Variants in NALF1 observed in about 807,000 individuals in gnomAD.
NALF1 encodes NALCN channel auxiliary factor 1.
In NALF1, 3 loss-of-function variants were observed where a neutral mutation model predicts 48.4. The observed-to-expected ratio is 0.06, with a 90% CI of 0.03 to 0.16. The LOEUF (loss-of-function observed/expected upper bound fraction) is 0.16, where lower values mean the gene tolerates loss of function less well. Ranked by LOEUF, NALF1 falls within the 10% of genes least tolerant of loss-of-function variation. NALF1 has a pLI of 1.00. For missense variants in NALF1, 526 were observed against 571.5 expected, an observed-to-expected ratio of 0.92 and a Z score of 0.81; for synonymous variants, 262 against 245.7, an observed-to-expected ratio of 1.07 and a Z score of -0.62.
chr13:107,753,168 T>C (rs577938092), intron 1 of NALF1, among the ~76,000 whole-genome samples: 1 of 152,358 alleles, frequency 6.6e-6, no homozygotes, highest in Non-Finnish European at 1.5e-5. Flanking sequence ...ATCTGCCCTT[T>C]GCTTTAGATA....
chr13:107,577,195 C>G (rs1878180268), intron 1 of NALF1, among the ~76,000 whole-genome samples: 1 of 152,098 alleles, frequency 6.6e-6, no homozygotes, highest in African/African-American at 2.4e-5. Context: ...CTAACTTGGA[C>G]TTTAAAATTT....
At chr13:107,712,405 A>G (rs2138520360) in intron 1 of NALF1, among the ~76,000 whole-genome samples, 1 of 152,348 alleles carries the variant, frequency 6.6e-6, no homozygotes, top group African/African-American at 2.4e-5. Flanking sequence ...GGCAACCCCC[A>G]GCCTGAAAAA....
At chr13:107,217,039 C>T (rs2138811239) in intron 1 of NALF1, among the ~76,000 whole-genome samples, 1 of 152,330 alleles carries the variant, frequency 6.6e-6, no homozygotes, top group South Asian at 2.1e-4. Flanking sequence ...CTAACTATGA[C>T]ACAGAGGCAA....
chr13:107,264,970 G>C (rs1479154264), intron 1 of NALF1, among the ~76,000 whole-genome samples: 1 of 152,128 alleles, frequency 6.6e-6, no homozygotes, highest in Non-Finnish European at 1.5e-5. Flanking sequence ...GAAAGTTTTT[G>C]TATCACTGTA....
chr13:107,308,619 TGTC>T (rs1881987305), intron 1 of NALF1, among the ~76,000 whole-genome samples: 1 of 152,194 alleles, frequency 6.6e-6, no homozygotes, highest in African/African-American at 2.4e-5. Context: ...ACAAATAGAC[TGTC>T]TATGTTTCTA....
At chr13:107,265,290 T>G (rs1489754449) in intron 1 of NALF1, among the ~76,000 whole-genome samples, 1 of 152,252 alleles carries the variant, frequency 6.6e-6, no homozygotes, top group East Asian at 1.9e-4. Flanking sequence ...TCTAGCCATA[T>G]TACAGAATTT....
intron 1 of NALF1, among the ~76,000 whole-genome samples, chr13:107,643,542 TG>T (rs34793504): frequency 0.015 from 1,942 of 128,038 alleles, 21 homozygotes; most frequent in Middle Eastern, 0.02. Flanking sequence ...GTGTATTTGG[TG>T]GGGGGGGGGT....
chr13:107,438,271 T>C (rs1052042263), intron 1 of NALF1, among the ~76,000 whole-genome samples: 1 of 152,204 alleles, frequency 6.6e-6, no homozygotes, highest in Non-Finnish European at 1.5e-5. Flanking sequence ...GTTCTAGATA[T>C]CCTAGTTTGA....
At position 107,289,318 on chromosome 13, in the gene NALF1, T is replaced by C. The variant is rs563228613; in HGVS notation, c.916-78563A>G. 1.8e-3 allele frequency among the ~76,000 whole-genome samples: 278 copies of C among 152,322 alleles called. 2 individuals are homozygous for C. The highest frequency in any genetic ancestry group is 6.4e-3 in the African/African-American group (268 of 41,568). On this transcript the variant is annotated intron_variant, in intron 1 of 2. Transcript: ENST00000375915. ...TTGTCTATTTACCCACTAAAATATATGCTCTCTGAAGCATCAAAGTTTGTC... is the reference window on the plus strand; with the variant it reads ...TTGTCTATTTACCCACTAAAATATACGCTCTCTGAAGCATCAAAGTTTGTC...
intron 1 of NALF1, among the ~76,000 whole-genome samples, chr13:107,772,158 G>A (rs1053071738): frequency 6.6e-6 from 1 of 152,006 alleles, no homozygotes; most frequent in African/African-American, 2.4e-5. Context: ...CGTATCTAGG[G>A]TGGACCCGTC....
intron 1 of NALF1, among the ~76,000 whole-genome samples, chr13:107,849,928 T>C (rs1455184900): frequency 3.9e-5 from 6 of 152,226 alleles, no homozygotes; most frequent in East Asian, 1.9e-4. Flanking sequence ...AAATTATTCA[T>C]GTGTTGCTAG....
chr13:107,838,956 C>A (rs1386136069), intron 1 of NALF1, among the ~76,000 whole-genome samples: 2 of 152,198 alleles, frequency 1.3e-5, no homozygotes, highest in East Asian at 1.9e-4. Flanking sequence ...TAAGAGAGAG[C>A]ACAGCAGGTG....
At chr13:107,677,433 T>A (rs1256221982) in intron 1 of NALF1, among the ~76,000 whole-genome samples, 1 of 152,178 alleles carries the variant, frequency 6.6e-6, no homozygotes, top group East Asian at 1.9e-4. Context: ...GTTAGACAGT[T>A]TTGTAACTCT....
chr13:107,444,232 C>A (rs1304406220), intron 1 of NALF1, among the ~76,000 whole-genome samples: 1 of 152,064 alleles, frequency 6.6e-6, no homozygotes, highest in Non-Finnish European at 1.5e-5. Flanking sequence ...TTATGCAATG[C>A]AAACATAAAT....
chr13:107,358,065 T>C (rs1027101221), intron 1 of NALF1, among the ~76,000 whole-genome samples: 1 of 152,204 alleles, frequency 6.6e-6, no homozygotes, highest in African/African-American at 2.4e-5. Context: ...TGCATATTTA[T>C]ATACGCATAT....
At chr13:107,341,622 ATATAT>A (rs756531003) in intron 1 of NALF1, among the ~76,000 whole-genome samples, 19 of 151,406 alleles carry the variant, frequency 1.3e-4, no homozygotes, top group South Asian at 6.2e-4. Context: ...ATAATTGTAC[ATATAT>A]TATATATATA....
chr13:107,285,058 A>G (rs1324109179), intron 1 of NALF1, among the ~76,000 whole-genome samples: 1 of 152,238 alleles, frequency 6.6e-6, no homozygotes, highest in African/African-American at 2.4e-5. Flanking sequence ...TTGAAGATTG[A>G]AGCATAGATT....
intron 1 of NALF1, among the ~76,000 whole-genome samples, chr13:107,799,648 A>T (rs1878540967): frequency 6.6e-6 from 1 of 152,202 alleles, no homozygotes; most frequent in Non-Finnish European, 1.5e-5. Context: ...CTATGGGCTG[A>T]TTATTAGATG....
chr13:107,205,503 G>A (rs1004929637), intron 2 of NALF1, among the ~76,000 whole-genome samples: 1 of 152,026 alleles, frequency 6.6e-6, no homozygotes, highest in African/African-American at 2.4e-5. Flanking sequence ...CCACCAGGGG[G>A]CGCCCATCTC....
Sources: gnomAD v4.1 joint callset for allele counts (sites outside exome capture counted in the v4.1 genomes callset) on GRCh38, gnomAD v4.1.1 for gene constraint, MANE v1.5 for transcripts, NCBI Gene and HGNC (gene_info 2026-07-23, HGNC 2026-07-21) for gene names.